DLC1: variants seen among roughly 807,000 people sequenced by gnomAD.
DLC1 encodes the protein rho GTPase-activating protein 7.
DLC1 carries 54 observed loss-of-function variants against 140.3 expected under a neutral mutation model. The ratio of observed to expected loss-of-function variants is 0.38; its 90% CI spans 0.31 to 0.48. DLC1 has a LOEUF of 0.48. Ranked by LOEUF, DLC1 falls within the 20% of genes least tolerant of loss-of-function variation. The pLI is 0.96. For missense variants in DLC1, 2,536 were observed against 1,907.0 expected (o/e 1.33, Z -6.14); for synonymous variants, 986 against 728.1 (o/e 1.35, Z -5.70).
chr8:13,480,280 T>G (rs892803406), intron 2 of DLC1, among the ~76,000 whole-genome samples: 1 of 152,004 alleles, frequency 6.6e-6, no homozygotes, highest in Non-Finnish European at 1.5e-5. Flanking sequence ...TGCACGACAA[T>G]GTGATTAAGT....
At chr8:13,107,180 G>A (rs1819636423) in intron 7 of DLC1, among the ~76,000 whole-genome samples, 2 of 152,184 alleles carry the variant, frequency 1.3e-5, no homozygotes, top group Admixed American at 6.5e-5. Context: ...TCCCACACTT[G>A]TAACTTTTGG....
At position 13,393,590 on chromosome 8, in the gene DLC1, G is replaced by A; in HGVS notation, c.1277C>T (p.Thr426Ile). The A allele has an allele frequency of 6.2e-7, 1 of 1,614,150 alleles. No individual in the cohort carries two copies. The highest frequency in any genetic ancestry group is 8.5e-7 in the Non-Finnish European group (1 of 1,180,022). The change falls in exon 4 of 18, where the codon ACT becomes ATT. Residue 426 changes from threonine (T) to isoleucine (I), a missense_variant. By Grantham distance (89) the Thr-to-Ile change is moderately conservative. Transcript: ENST00000276297. ...TTTGGTTCCAGAATTGGCTACTGGA[G>A]TGGAAGATGGGAGGTCCGTGGACTC... ...DTESTDLPSS[T>I]PVANSGTKPK...
chr8:13,482,096 G>T (rs939252194), intron 2 of DLC1, among the ~76,000 whole-genome samples: 1 of 152,108 alleles, frequency 6.6e-6, no homozygotes, highest in Non-Finnish European at 1.5e-5. Context: ...ATGACTTTCT[G>T]TTCTTTTAAG....
At chr8:13,143,800 C>G (rs1030632685) in intron 5 of DLC1, among the ~76,000 whole-genome samples, 4 of 121,880 alleles carry the variant, frequency 3.3e-5, no homozygotes, top group African/African-American at 1.4e-4. Flanking sequence ...TGTTGAAAGA[C>G]CAAATGAAAA....
At chr8:13,324,550 GCAAAAGAGCTAGA>G (rs1362031794) in intron 4 of DLC1, among the ~76,000 whole-genome samples, 1 of 113,742 alleles carries the variant, frequency 8.8e-6, no homozygotes, top group Non-Finnish European at 1.7e-5. Flanking sequence ...TCCAGCCTGG[GCAAAAGAGCTAGA>G]CTCCGTCTCA....
At chr8:13,097,174 TAGAC>T (rs1818571087) in intron 10 of DLC1, among the ~76,000 whole-genome samples, 2 of 152,148 alleles carry the variant, frequency 1.3e-5, no homozygotes, top group African/African-American at 4.8e-5. Context: ...TATTCACTGT[TAGAC>T]AGTCTTTGCT....
chr8:13,479,192 A>G (rs905237303), intron 2 of DLC1, among the ~76,000 whole-genome samples: 2 of 152,226 alleles, frequency 1.3e-5, no homozygotes, highest in East Asian at 1.9e-4. Flanking sequence ...CATTTTAAGC[A>G]CTTAATATTT....
chr8:13,096,282 T>A (rs572634616), intron 10 of DLC1, among the ~76,000 whole-genome samples: 74 of 152,022 alleles, frequency 4.9e-4, no homozygotes, highest in Non-Finnish European at 8.1e-4. Flanking sequence ...GGGATGGGGG[T>A]GGGCCACTCC....
intron 4 of DLC1, among the ~76,000 whole-genome samples, chr8:13,306,975 T>C (rs1199166512): frequency 6.8e-6 from 1 of 147,260 alleles, no homozygotes; most frequent in Non-Finnish European, 1.5e-5. Flanking sequence ...TCCCAGCTAC[T>C]CAGGAGGCTG....
At chr8:13,138,837 A>G (rs1194514409) in intron 5 of DLC1, among the ~76,000 whole-genome samples, 1 of 152,194 alleles carries the variant, frequency 6.6e-6, no homozygotes. Context: ...AAAGAGGAGA[A>G]TAATAAGGGG....
chr8:13,442,876 A>T (rs1280788649), intron 2 of DLC1, among the ~76,000 whole-genome samples: 1 of 152,212 alleles, frequency 6.6e-6, no homozygotes. Flanking sequence ...AGGATTATAA[A>T]TCATGCTGCT....
At chr8:13,143,813 T>TGAGAGCGAGAGAGAGAGAGAGAGA (rs1823202490) in intron 5 of DLC1, among the ~76,000 whole-genome samples, 1 of 128,642 alleles carries the variant, frequency 7.8e-6, no homozygotes, top group Non-Finnish European at 1.6e-5. Context: ...AATGAAAAGC[T>TGAGAGCGAGAGAGAGAGAGAGAGA]GAGAGAGAGA....
chr8:13,287,964 CTAT>C (rs1831595272), intron 5 of DLC1, among the ~76,000 whole-genome samples: 1 of 151,618 alleles, frequency 6.6e-6, no homozygotes, highest in African/African-American at 2.4e-5. Flanking sequence ...TTAGAAACAG[CTAT>C]TTTCTTAGTT....
chr8:13,498,226 G>C (rs1801605978), intron 2 of DLC1, among the ~76,000 whole-genome samples: 1 of 152,126 alleles, frequency 6.6e-6, no homozygotes, highest in Admixed American at 6.6e-5. Flanking sequence ...ACTTATATCA[G>C]GACTATAACT....
At chr8:13,567,201 A>T (rs762446238) in intron 1 of DLC1, 4 of 1,551,780 alleles carry the variant, frequency 2.6e-6, no homozygotes, top group Middle Eastern at 1.7e-4. Context: ...GAGACACACA[A>T]TCTGAGCTTT....
chr8:13,502,949 A>G (rs1180645366), intron 1 of DLC1, among the ~76,000 whole-genome samples: 1 of 152,122 alleles, frequency 6.6e-6, no homozygotes, highest in East Asian at 1.9e-4. Flanking sequence ...ATCACAAGAG[A>G]CTGTATGTAC....
At chr8:13,110,303 G>T (rs750182738) in intron 7 of DLC1, among the ~76,000 whole-genome samples, 2 of 152,116 alleles carry the variant, frequency 1.3e-5, no homozygotes, top group Non-Finnish European at 2.9e-5. Flanking sequence ...GCCTTATTTC[G>T]TCCTATCATT....
At chr8:13,308,423 C>T (rs1832543384) in intron 4 of DLC1, among the ~76,000 whole-genome samples, 2 of 152,106 alleles carry the variant, frequency 1.3e-5, no homozygotes, top group African/African-American at 4.8e-5. Context: ...GGTGGATATT[C>T]CTCCAATGAT....
chr8:13,451,068 A>AAAAAAAAAAAAAAAAAAAAAG (rs1799028861), intron 2 of DLC1, among the ~76,000 whole-genome samples: 1 of 143,876 alleles, frequency 7.0e-6, no homozygotes, highest in East Asian at 2.0e-4. Flanking sequence ...AAAAAAAAAA[A>AAAAAAAAAAAAAAAAAAAAAG]GAAAAAAAGA....
Sources: gnomAD v4.1 joint callset for allele counts (sites outside exome capture counted in the v4.1 genomes callset) on GRCh38, gnomAD v4.1.1 for gene constraint, MANE v1.5 for transcripts, NCBI Gene and HGNC (gene_info 2026-07-23, HGNC 2026-07-21) for gene names.